Variants in PTPN3 observed in about 807,000 individuals in gnomAD.
The protein encoded by PTPN3 is tyrosine-protein phosphatase non-receptor type 3.
Under a neutral mutation model 132.7 loss-of-function variants are expected in PTPN3, and 96 were observed. The observed-to-expected ratio is 0.72, with a 90% CI of 0.61 to 0.86. The LOEUF (loss-of-function observed/expected upper bound fraction) is 0.86, where lower values mean the gene tolerates loss of function less well. Ranked by LOEUF, PTPN3 falls within the 40% of genes least tolerant of loss-of-function variation. PTPN3 has a pLI of 0.00. For missense variants in PTPN3, 1,125 were observed against 1,159.6 expected, an observed-to-expected ratio of 0.97 and a Z score of 0.43; for synonymous variants, 398 against 429.0, an observed-to-expected ratio of 0.93 and a Z score of 0.89.
At chr9:109,522,055 T>C in the PTPN3 span, among the ~76,000 whole-genome samples, 3 of 152,198 alleles carry the variant, frequency 2.0e-5, no homozygotes, top group Admixed American at 6.5e-5. Flanking sequence ...TTCTGGGCTT[T>C]ATTTGCTGTC....
the PTPN3 span, among the ~76,000 whole-genome samples, chr9:109,532,597 AAC>A: frequency 1.8e-5 from 2 of 111,808 alleles, no homozygotes; most frequent in Non-Finnish European, 4.3e-5. Flanking sequence ...AAAAAAAAAG[AAC>A]TAAACTAAAC....
At chr9:109,514,178 G>A in the PTPN3 span, among the ~76,000 whole-genome samples, 1 of 152,134 alleles carries the variant, frequency 6.6e-6, no homozygotes, top group South Asian at 2.1e-4. Context: ...GGACCTTCTT[G>A]TCTCTCACTG....
intron 8 of PTPN3, 32 bp downstream of exon 8, chr9:109,438,082 T>G: frequency 1.3e-6 from 2 of 1,590,828 alleles, no homozygotes; most frequent in Middle Eastern, 1.7e-4. Context: ...CCAACCCAAG[T>G]CCCCAAAGTA....
intron 10 of PTPN3, among the ~76,000 whole-genome samples, chr9:109,432,394 C>T (rs1364248535): frequency 6.6e-6 from 1 of 152,096 alleles, no homozygotes; most frequent in Non-Finnish European, 1.5e-5. Flanking sequence ...CATCTCCTGC[C>T]GTCTATGGCA....
chr9:109,421,951 T>G (rs1197485299), intron 13 of PTPN3, among the ~76,000 whole-genome samples: 1 of 152,236 alleles, frequency 6.6e-6, no homozygotes, highest in Non-Finnish European at 1.5e-5. Flanking sequence ...CCTAGCCTTT[T>G]TGGAGGTATT....
chr9:109,532,658 A>T, the PTPN3 span, among the ~76,000 whole-genome samples: 1 of 152,002 alleles, frequency 6.6e-6, no homozygotes, highest in Admixed American at 6.6e-5. Flanking sequence ...AATAATAAAA[A>T]CCCCATGCTG....
At chr9:109,423,737 A>G (rs545895800) in intron 12 of PTPN3, among the ~76,000 whole-genome samples, 2 of 152,360 alleles carry the variant, frequency 1.3e-5, no homozygotes, top group African/African-American at 4.8e-5. Context: ...AGAATGAATT[A>G]TTTGAGAGAA....
At chr9:109,408,794 A>ATATATATATATATATATATAT (rs373957307) in intron 16 of PTPN3, among the ~76,000 whole-genome samples, 6 of 87,374 alleles carry the variant, frequency 6.9e-5, no homozygotes, top group African/African-American at 3.2e-4. Context: ...AAAAAAAAAA[A>ATATATATATATATATATATAT]AAATATATAT....
intron 1 of PTPN3, among the ~76,000 whole-genome samples, chr9:109,482,746 C>G (rs1251910567): frequency 6.6e-6 from 1 of 152,166 alleles, no homozygotes; most frequent in Non-Finnish European, 1.5e-5. Flanking sequence ...TAATCCATAC[C>G]TGGACCCACT....
intron 1 of PTPN3, among the ~76,000 whole-genome samples, chr9:109,471,925 T>C (rs1422684936): frequency 2.6e-5 from 4 of 152,232 alleles, no homozygotes; most frequent in Non-Finnish European, 5.9e-5. Context: ...TGGTTCTGCC[T>C]GTCTATGCTT....
intron 1 of PTPN3, among the ~76,000 whole-genome samples, chr9:109,476,454 A>G (rs1195938957): frequency 2.0e-5 from 3 of 152,204 alleles, no homozygotes; most frequent in African/African-American, 4.8e-5. Flanking sequence ...AGGAAATAAT[A>G]TATGTCATTG....
At chr9:109,519,650 C>T in the PTPN3 span, among the ~76,000 whole-genome samples, 1 of 152,176 alleles carries the variant, frequency 6.6e-6, no homozygotes, top group Non-Finnish European at 1.5e-5. Flanking sequence ...CTGGACTCCT[C>T]ATGGTGCAGG....
chr9:109,425,279 T>A (rs1843165018), intron 12 of PTPN3, among the ~76,000 whole-genome samples: 1 of 152,224 alleles, frequency 6.6e-6, no homozygotes, highest in Non-Finnish European at 1.5e-5. Context: ...ATTATCAATG[T>A]ATTAGGAAAG....
chr9:109,493,819 A>G (rs2132128098), intron 1 of PTPN3, among the ~76,000 whole-genome samples: 1 of 152,284 alleles, frequency 6.6e-6, no homozygotes, highest in East Asian at 1.9e-4. Context: ...CCACAATCAG[A>G]GCATCACCCA....
rs1176764406 is a variant in PTPN3 at position 109,379,367 on chromosome 9, T to C, written c.*189A>G. The C allele has an allele frequency of 5.1e-6, 3 of 589,518 alleles. No individual in the cohort carries two copies. In the African/African-American group the frequency reaches 5.6e-5, roughly 11 times the overall value. 36.5% of individuals were successfully genotyped at this position (589,518 alleles called of 1,614,324 possible). On this transcript the variant is annotated 3_prime_UTR_variant, in exon 26 of 26. Coordinates refer to ENST00000374541, the MANE Select transcript of PTPN3 (RefSeq NM_002829.4). ...ATACAGGCCTAAATGATGCCATAAT[T>C]GCATGCTTATCTACACCAGTTCCTA...
At chr9:109,379,682 G>T in intron 25 of PTPN3, 49 bp from the exon 26 acceptor site, 1 of 1,468,994 alleles carries the variant, frequency 6.8e-7, no homozygotes, top group Non-Finnish European at 9.5e-7. Flanking sequence ...AGGAAATGCT[G>T]CCTACCACAC....
At chr9:109,416,134 T>C (rs1336966627) in intron 14 of PTPN3, among the ~76,000 whole-genome samples, 2 of 152,088 alleles carry the variant, frequency 1.3e-5, no homozygotes, top group African/African-American at 4.8e-5. Context: ...TACATTGGAA[T>C]TGTCTATCTT....
At chr9:109,509,962 G>A in the PTPN3 span, among the ~76,000 whole-genome samples, 1 of 152,290 alleles carries the variant, frequency 6.6e-6, no homozygotes, top group East Asian at 1.9e-4. Context: ...ACCCAGCCCG[G>A]CTCTCTTTTG....
In PTPN3 at chr9:109,383,645, C is replaced by G; in HGVS notation, c.2254-94G>C. 5 of 1,496,558 alleles carry G rather than the reference C, an allele frequency of 3.3e-6. No individual in the cohort carries two copies. In the South Asian group the frequency reaches 6.2e-5, roughly 19 times the overall value. The allele number at this position is 1,496,558 out of a possible 1,614,324, so 92.7% of individuals were successfully genotyped here. ...CAGGTGGACGGGTTAGGCATCCTCTCATGCACACCCGAGAGCACTGATGGG... is the reference window on the plus strand; with the variant it reads ...CAGGTGGACGGGTTAGGCATCCTCTGATGCACACCCGAGAGCACTGATGGG... On this transcript the variant is annotated intron_variant, in intron 22 of 25. Coordinates refer to ENST00000374541, the MANE Select transcript of PTPN3 (RefSeq NM_002829.4).
Sources: allele counts gnomAD v4.1 joint callset (sites outside exome capture counted in the v4.1 genomes callset), GRCh38; gene constraint gnomAD v4.1.1; transcripts MANE v1.5; gene names NCBI Gene and HGNC (gene_info 2026-07-23, HGNC 2026-07-21).